Variants in PATJ observed in about 807,000 individuals in gnomAD.
PATJ encodes the protein PATJ crumbs cell polarity complex component, also known as inaD-like protein.
PATJ carries 190 observed loss-of-function variants against 224.9 expected under a neutral mutation model. The ratio of observed to expected loss-of-function variants is 0.84; its 90% CI spans 0.75 to 0.95. PATJ has a LOEUF of 0.95. Ranked by LOEUF, PATJ falls within the 40% of genes least tolerant of loss-of-function variation. PATJ has a pLI of 0.00. For synonymous variants in PATJ, 769 were observed against 820.3 expected, an observed-to-expected ratio of 0.94 and a Z score of 1.07; for missense variants, 2,121 against 2,270.3, an observed-to-expected ratio of 0.93 and a Z score of 1.34.
chr1:62,020,790 C>A (rs894779352), intron 29 of PATJ, among the ~76,000 whole-genome samples: 3 of 152,056 alleles, frequency 2.0e-5, no homozygotes, highest in Non-Finnish European at 4.4e-5. Flanking sequence ...TAACAAAATA[C>A]CCGAGTGTCT....
At chr1:61,781,438 T>C (rs777605561) in intron 7 of PATJ, among the ~76,000 whole-genome samples, 26 of 125,112 alleles carry the variant, frequency 2.1e-4, no homozygotes, top group Non-Finnish European at 4.5e-4. Flanking sequence ...TTGTTGCTTA[T>C]TACCAGTCAA....
intron 31 of PATJ, among the ~76,000 whole-genome samples, chr1:62,066,659 T>C (rs1162717669): frequency 2.0e-5 from 3 of 152,194 alleles, no homozygotes; most frequent in Non-Finnish European, 4.4e-5. Context: ...TCCTGCCAAC[T>C]GCACAGACAA....
chr1:62,124,083 T>G (rs1042386542), intron 39 of PATJ, among the ~76,000 whole-genome samples: 1 of 151,812 alleles, frequency 6.6e-6, no homozygotes, highest in African/African-American at 2.4e-5. Context: ...GACTCTTTTT[T>G]TCTTTTTCTT....
chr1:61,773,989 A>G (rs893291693), intron 6 of PATJ, among the ~76,000 whole-genome samples: 12 of 151,316 alleles, frequency 7.9e-5, no homozygotes, highest in African/African-American at 2.2e-4. Flanking sequence ...GCGTGGTGGC[A>G]GGTACCTGTA....
intron 29 of PATJ, among the ~76,000 whole-genome samples, chr1:62,021,021 G>T (rs1647049495): frequency 6.6e-6 from 1 of 151,964 alleles, no homozygotes; most frequent in Non-Finnish European, 1.5e-5. Flanking sequence ...TAGAGACAGG[G>T]TTTCACTATG....
rs1054688731 is a variant in PATJ at position 62,162,528 on chromosome 1, G to T, written c.*1474G>T. On this transcript the variant is annotated 3_prime_UTR_variant, in exon 44 of 44. Transcript: ENST00000642238. ...ACTCCCATTTGCTGAAGTTTTGCAT[G>T]CTAAGAAATCAACTACAGCAGAAAA... The T allele has an allele frequency of 2.6e-5, 4 of 152,326 alleles. No individual in the cohort carries two copies. Among genetic ancestry groups the T allele is most frequent in the Admixed American group, 2.6e-4 (4 of 15,286 alleles). 9.4% of individuals were successfully genotyped at this position (152,326 alleles called of 1,614,324 possible).
intron 27 of PATJ, among the ~76,000 whole-genome samples, chr1:61,928,577 A>G (rs12064034): frequency 0.035 from 5,403 of 152,198 alleles, 364 homozygotes; most frequent in African/African-American, 0.12. Context: ...AATTGAGTCA[A>G]AATTCTTACT....
intron 12 of PATJ, 63 bp from the exon 13 acceptor site, chr1:61,805,385 G>A: frequency 2.0e-6 from 2 of 982,284 alleles, no homozygotes; most frequent in Non-Finnish European, 3.2e-6. Context: ...TAGCAGTTAA[G>A]TGTGTTTGGC....
chr1:61,836,099 A>G (rs979558902), intron 17 of PATJ, among the ~76,000 whole-genome samples: 1 of 152,202 alleles, frequency 6.6e-6, no homozygotes, highest in Non-Finnish European at 1.5e-5. Context: ...GAAAAACTAG[A>G]TAGTCCTTAA....
At chr1:61,771,225 T>C (rs902809157) in intron 5 of PATJ, among the ~76,000 whole-genome samples, 3 of 152,166 alleles carry the variant, frequency 2.0e-5, no homozygotes, top group African/African-American at 7.2e-5. Context: ...TGTCTGTGTG[T>C]TTAAGGATGC....
Position 62,108,520 on chromosome 1 carries a change from G to T in PATJ, c.4461G>T (p.Glu1487Asp), listed in dbSNP as rs1008694729. 69 of 1,590,238 alleles carry T rather than the reference G, an allele frequency of 4.3e-5. No homozygotes were observed. Among genetic ancestry groups the T allele is most frequent in the Non-Finnish European group, 5.6e-5 (65 of 1,162,404 alleles). The part of the protein sequence containing the change: ...GRLWAGDQIL[E>D]VNGVDLRNSS... ...TTTGGGCTGGTGACCAGATATTAGA[G>T]GTATATGGTTTTGAATTTTATTTTA... The change falls in exon 34 of 44, where the codon GAG becomes GAT. Residue 1487 changes from glutamate (E) to aspartate (D), a missense_variant and splice_region_variant. By Grantham distance (45) the Glu-to-Asp change is conservative (BLOSUM62 2). Transcript: ENST00000642238.
intron 1 of PATJ, among the ~76,000 whole-genome samples, chr1:61,757,563 T>G (rs1361050149): frequency 6.6e-6 from 1 of 151,834 alleles, no homozygotes; most frequent in African/African-American, 2.4e-5. Context: ...TTTTTGTGTT[T>G]TATGTAGATA....
intron 27 of PATJ, among the ~76,000 whole-genome samples, chr1:61,985,367 C>T (rs1333900857): frequency 6.6e-6 from 1 of 151,880 alleles, no homozygotes; most frequent in East Asian, 1.9e-4. Flanking sequence ...TAACTTAGTC[C>T]CTCAGTGGGA....
At chr1:61,834,970 C>T (rs1158741678) in intron 17 of PATJ, among the ~76,000 whole-genome samples, 1 of 152,092 alleles carries the variant, frequency 6.6e-6, no homozygotes, top group Non-Finnish European at 1.5e-5. Flanking sequence ...CTCAAGTGAT[C>T]AGCCTGCCTT....
chr1:61,884,031 A>C (rs536285702), intron 21 of PATJ, among the ~76,000 whole-genome samples: 40 of 152,174 alleles, frequency 2.6e-4, no homozygotes, highest in Admixed American at 7.8e-4. Context: ...TCTGTTGAAC[A>C]ATTCCTATAT....
chr1:61,888,633 A>C (rs1417198733), intron 22 of PATJ, among the ~76,000 whole-genome samples: 1 of 152,198 alleles, frequency 6.6e-6, no homozygotes, highest in Admixed American at 6.5e-5. Flanking sequence ...AGAATGCAGA[A>C]ATGAGACTGC....
At chr1:62,042,991 A>G (rs550984465) in intron 30 of PATJ, among the ~76,000 whole-genome samples, 68 of 152,320 alleles carry the variant, frequency 4.5e-4, no homozygotes, top group African/African-American at 1.6e-3. Context: ...CCCGAAGGGT[A>G]TCGCAGAGAA....
rs1278649515 is a variant in PATJ, at chr1:62,148,312, T to C, written c.5300T>C (p.Ile1767Thr). The change falls in exon 42 of 44, where the codon ATA becomes ACA. Residue 1767 changes from isoleucine (I) to threonine (T), a missense_variant. Transcript: ENST00000642238. Reference protein sequence around the residue: ...QVVADTNISAIAAQLENMSTG... With the variant: ...QVVADTNISATAAQLENMSTG... ...GTAGCAGATACCAATATAAGCGCCATAGCAGCTCAGCTTGAAAACATGTCT... is the reference window on the plus strand; with the variant it reads ...GTAGCAGATACCAATATAAGCGCCACAGCAGCTCAGCTTGAAAACATGTCT... The C allele has an allele frequency of 1.2e-6, 2 of 1,613,794 alleles. No homozygotes were observed. Among genetic ancestry groups the C allele is most frequent in the African/African-American group, 1.3e-5 (1 of 74,872 alleles).
intron 1 of PATJ, among the ~76,000 whole-genome samples, chr1:61,756,245 C>G (rs1645632735): frequency 6.6e-6 from 1 of 152,144 alleles, no homozygotes; most frequent in Non-Finnish European, 1.5e-5. Context: ...CTTTTTTCCC[C>G]TTTCTGCTAC....
Sources: gnomAD v4.1 joint callset for allele counts (sites outside exome capture counted in the v4.1 genomes callset) on GRCh38, gnomAD v4.1.1 for gene constraint, MANE v1.5 for transcripts, NCBI Gene and HGNC (gene_info 2026-07-23, HGNC 2026-07-21) for gene names.